TMTC2: variants seen among roughly 807,000 people sequenced by gnomAD.
The protein encoded by TMTC2 is protein O-mannosyl-transferase TMTC2.
A neutral mutation model predicts 82.4 loss-of-function variants in TMTC2; 43 were observed. The observed-to-expected ratio is 0.52, with a 90% CI of 0.41 to 0.67. The LOEUF is 0.67. TMTC2 is among the 30% of genes least tolerant of loss of function. The probability of loss-of-function intolerance (pLI) is 0.00; values close to 1 mark genes in which losing one functional copy is unlikely to be tolerated. For synonymous variants in TMTC2, 408 were observed against 381.9 expected (o/e 1.07, Z -0.80); for missense variants, 919 against 1,012.4 (o/e 0.91, Z 1.25).
chr12:82,732,484 A>G (rs1485353803), intron 1 of TMTC2, among the ~76,000 whole-genome samples: 1 of 152,116 alleles, frequency 6.6e-6, no homozygotes, highest in Non-Finnish European at 1.5e-5. Context: ...CTGGGACTAC[A>G]GGCACCCGCC....
intron 3 of TMTC2, among the ~76,000 whole-genome samples, chr12:82,929,339 A>C (rs1289402521): frequency 2.0e-5 from 3 of 152,120 alleles, no homozygotes; most frequent in Non-Finnish European, 4.4e-5. Context: ...GTACAGGTGC[A>C]AGCCATTGTG....
At chr12:82,946,078 A>AT (rs1876976098) in intron 4 of TMTC2, among the ~76,000 whole-genome samples, 1 of 152,188 alleles carries the variant, frequency 6.6e-6, no homozygotes. Flanking sequence ...TTCTATTTAA[A>AT]TTAGCAACCC....
intron 4 of TMTC2, among the ~76,000 whole-genome samples, chr12:82,949,609 C>T (rs996610920): frequency 3.3e-5 from 5 of 152,116 alleles, no homozygotes; most frequent in African/African-American, 9.7e-5. Context: ...CTGTGTCTGA[C>T]CTTAGGCAAA....
Position 82,687,243 on chromosome 12 carries a change from A to C in TMTC2, c.-344A>C. On this transcript the variant is annotated 5_prime_UTR_variant, in exon 1 of 12. Transcript: ENST00000321196. ...CCACTCCTCACCTAGGACGCCCCAA[A>C]CTGCCATGGGTTAGGGTGGGGATCG... The C allele has an allele frequency of 2.8e-6, 1 of 354,580 alleles. No individual in the cohort carries two copies. The highest frequency in any genetic ancestry group is 4.3e-5 in the Admixed American group (1 of 23,062). 22.0% of individuals were successfully genotyped at this position (354,580 alleles called of 1,614,324 possible).
At chr12:82,789,995 T>C (rs1453799177) in intron 1 of TMTC2, among the ~76,000 whole-genome samples, 1 of 151,968 alleles carries the variant, frequency 6.6e-6, no homozygotes, top group Non-Finnish European at 1.5e-5. Flanking sequence ...GGATGATTCC[T>C]TGAGGCAAGG....
chr12:82,902,044 G>A (rs1256837116), intron 3 of TMTC2, among the ~76,000 whole-genome samples: 2 of 152,148 alleles, frequency 1.3e-5, no homozygotes, highest in Non-Finnish European at 2.9e-5. Context: ...AGGGGGCTGA[G>A]TTGAGAGGAA....
intron 11 of TMTC2, among the ~76,000 whole-genome samples, chr12:83,076,296 G>A (rs77636186): frequency 0.054 from 8,175 of 152,208 alleles, 257 homozygotes; most frequent in East Asian, 0.087. Flanking sequence ...GTAGCTCTTG[G>A]CTATAAAGAA....
At chr12:82,779,797 G>A (rs919506406) in intron 1 of TMTC2, among the ~76,000 whole-genome samples, 7 of 152,152 alleles carry the variant, frequency 4.6e-5, no homozygotes, top group African/African-American at 9.7e-5. Flanking sequence ...CTACTCGGGA[G>A]GCTGAGACAG....
chr12:82,722,872 C>G (rs1330601126), intron 1 of TMTC2, among the ~76,000 whole-genome samples: 1 of 152,158 alleles, frequency 6.6e-6, no homozygotes, highest in Non-Finnish European at 1.5e-5. Context: ...TTAAAAAATT[C>G]TGGGTCTTTC....
At chr12:83,128,243 T>C (rs1885152775) in intron 11 of TMTC2, among the ~76,000 whole-genome samples, 1 of 152,184 alleles carries the variant, frequency 6.6e-6, no homozygotes, top group African/African-American at 2.4e-5. Context: ...GACACCAGTA[T>C]GTAATCCAAC....
chr12:82,767,484 G>A (rs186338470), intron 1 of TMTC2, among the ~76,000 whole-genome samples: 4 of 152,264 alleles, frequency 2.6e-5, no homozygotes, highest in Non-Finnish European at 5.9e-5. Context: ...CTACTTGGGA[G>A]GCTGAGGTGG....
intron 1 of TMTC2, among the ~76,000 whole-genome samples, chr12:82,706,886 G>A (rs561364317): frequency 2.6e-5 from 4 of 152,238 alleles, no homozygotes; most frequent in African/African-American, 4.8e-5. Context: ...AGGAGGAGAG[G>A]TGAGATGTCA....
At chr12:83,033,359 C>A (rs1473710827) in intron 9 of TMTC2, among the ~76,000 whole-genome samples, 1 of 152,124 alleles carries the variant, frequency 6.6e-6, no homozygotes, top group Non-Finnish European at 1.5e-5. Context: ...GTCTGTTGAA[C>A]AAATAAGATT....
intron 4 of TMTC2, among the ~76,000 whole-genome samples, chr12:82,946,783 C>T (rs1345798513): frequency 6.7e-6 from 1 of 149,930 alleles, no homozygotes. Flanking sequence ...GCTCTGTCGC[C>T]CAGGGTGAAG....
At chr12:82,968,952 G>GC (rs1398095831) in intron 7 of TMTC2, among the ~76,000 whole-genome samples, 1 of 152,114 alleles carries the variant, frequency 6.6e-6, no homozygotes, top group Non-Finnish European at 1.5e-5. Flanking sequence ...TATGGTGGCT[G>GC]CCTTCTATTT....
At chr12:82,893,972 C>T (rs1873529183) in intron 2 of TMTC2, among the ~76,000 whole-genome samples, 1 of 152,090 alleles carries the variant, frequency 6.6e-6, no homozygotes, top group Non-Finnish European at 1.5e-5. Flanking sequence ...AGGACAGATT[C>T]AGGATATATT....
chr12:82,983,838 A>G (rs1879037115), intron 7 of TMTC2, among the ~76,000 whole-genome samples: 1 of 151,986 alleles, frequency 6.6e-6, no homozygotes. Context: ...ATTGCTTTAC[A>G]TTGTTCAGTA....
chr12:82,763,313 T>C (rs963961118), intron 1 of TMTC2, among the ~76,000 whole-genome samples: 5 of 152,138 alleles, frequency 3.3e-5, no homozygotes, highest in African/African-American at 1.2e-4. Flanking sequence ...GAAAAAGTGT[T>C]ACAAAAAATA....
intron 8 of TMTC2, among the ~76,000 whole-genome samples, chr12:82,989,102 G>T (rs1306485474): frequency 1.3e-5 from 2 of 150,968 alleles, no homozygotes; most frequent in Non-Finnish European, 3.0e-5. Context: ...AAGAAAAAAA[G>T]AAACCAAAAA....
Sources: gnomAD v4.1 joint callset for allele counts (sites outside exome capture counted in the v4.1 genomes callset) on GRCh38, gnomAD v4.1.1 for gene constraint, MANE v1.5 for transcripts, NCBI Gene and HGNC (gene_info 2026-07-23, HGNC 2026-07-21) for gene names.